VPS36: variants seen among roughly 807,000 people sequenced by gnomAD.
VPS36 encodes the protein vacuolar protein sorting 36 homolog.
A neutral mutation model predicts 63.5 loss-of-function variants in VPS36; 31 were observed. The ratio of observed to expected loss-of-function variants is 0.49; its 90% CI spans 0.37 to 0.66. VPS36 has a LOEUF of 0.66. Among genes scored for constraint, VPS36 ranks in the 30% least tolerant of loss-of-function variants. The probability of loss-of-function intolerance (pLI) is 0.00; values close to 1 mark genes in which losing one functional copy is unlikely to be tolerated. For missense variants in VPS36, 338 were observed against 463.7 expected (o/e 0.73, Z 2.49); for synonymous variants, 138 against 157.2 (o/e 0.88, Z 0.91).
chr13:52,417,713 C>T (rs1958006727), intron 11 of VPS36, among the ~76,000 whole-genome samples: 2 of 152,198 alleles, frequency 1.3e-5, no homozygotes, highest in Admixed American at 1.3e-4. Flanking sequence ...CACAGCTGAA[C>T]ATCTCCAGAG....
chr13:52,438,819 G>A (rs1378903396), intron 3 of VPS36, among the ~76,000 whole-genome samples: 1 of 152,210 alleles, frequency 6.6e-6, no homozygotes, highest in African/African-American at 2.4e-5. Context: ...CAGGAGCAAA[G>A]TCAGTTATTT....
intron 1 of VPS36, among the ~76,000 whole-genome samples, chr13:52,445,781 C>A (rs1411953329): frequency 4.7e-4 from 59 of 125,112 alleles, no homozygotes; most frequent in African/African-American, 6.1e-4. Context: ...ACTAAAAATA[C>A]AAAAAAAAAA....
chr13:52,448,526 A>G (rs1395756575), intron 1 of VPS36, among the ~76,000 whole-genome samples: 1 of 152,250 alleles, frequency 6.6e-6, no homozygotes, highest in Non-Finnish European at 1.5e-5. Context: ...AGAAGAGTTA[A>G]TTCTGGACTA....
chr13:52,424,856 T>C (rs1958082854), intron 9 of VPS36, among the ~76,000 whole-genome samples: 2 of 151,818 alleles, frequency 1.3e-5, no homozygotes, highest in Admixed American at 1.3e-4. Flanking sequence ...GGCGTGGTGG[T>C]GGGCGCCTGT....
intron 10 of VPS36, among the ~76,000 whole-genome samples, chr13:52,419,053 G>T (rs761853912): frequency 1.3e-5 from 2 of 152,214 alleles, no homozygotes; most frequent in Non-Finnish European, 2.9e-5. Flanking sequence ...GAGTTATTGG[G>T]AGGATAAATG....
At chr13:52,441,326 A>G (rs752135660) in intron 2 of VPS36, among the ~76,000 whole-genome samples, 1 of 152,178 alleles carries the variant, frequency 6.6e-6, no homozygotes, top group Non-Finnish European at 1.5e-5. Context: ...ACAATCAGGA[A>G]AATAAAAACA....
At position 52,442,463 on chromosome 13, in the gene VPS36, C is replaced by T; in HGVS notation, c.97-18G>A. On this transcript the variant is annotated intron_variant, in intron 1 of 13. Transcript: ENST00000378060. ...AATTTTATCTAGAAAGAAAGAGCAT[C>T]ACAAAATATTAATAACATATCACTC... The T allele has an allele frequency of 6.2e-7, 1 of 1,604,340 alleles. No individual in the cohort carries two copies. The highest frequency in any genetic ancestry group is 8.5e-7 in the Non-Finnish European group (1 of 1,174,820).
Position 52,415,582 on chromosome 13 carries a change from A to G in VPS36, c.*248T>C. The G allele has an allele frequency of 2.9e-6, 1 of 350,268 alleles. No individual in the cohort carries two copies. 21.7% of individuals were successfully genotyped at this position (350,268 alleles called of 1,614,324 possible). Reference sequence around the variant, plus strand: ...GTTAAAATCCACTATATTCCAAGTTAAACTCTGAGGGTTCTGCACTATAGC... The same window carrying G: ...GTTAAAATCCACTATATTCCAAGTTGAACTCTGAGGGTTCTGCACTATAGC... On this transcript the variant is annotated 3_prime_UTR_variant, in exon 14 of 14. Coordinates refer to ENST00000378060, the MANE Select transcript of VPS36 (RefSeq NM_016075.4).
At chr13:52,425,710 T>C (rs971600082) in intron 9 of VPS36, 7 of 409,488 alleles carry the variant, frequency 1.7e-5, no homozygotes, top group Non-Finnish European at 2.1e-5. Context: ...ATCAAATAGA[T>C]TTAGAAAGTT....
rs780959959 is a variant in VPS36, at chr13:52,417,105, C to T, written c.942G>A (p.Glu314=). 38 of 1,613,932 alleles carry T rather than the reference C, an allele frequency of 2.4e-5. No individual in the cohort carries two copies. Among genetic ancestry groups the T allele is most frequent in the African/African-American group, 1.1e-4 (8 of 74,892 alleles). The change falls in exon 12 of 14, where the codon GAG becomes GAA. Residue 314 remains glutamate (E), a synonymous_variant. Transcript: ENST00000378060. The part of the protein sequence containing the change: ...RVFDSGVMVI[E]LQSHKEEEMV... ...TTTCCTCTTCCTTGTGAGACTGAAG[C>T]TCAATTACCATGACGCCACTGTCAA...
intron 1 of VPS36, among the ~76,000 whole-genome samples, chr13:52,445,030 G>C (rs1346776444): frequency 6.6e-6 from 1 of 152,166 alleles, no homozygotes; most frequent in African/African-American, 2.4e-5. Flanking sequence ...ATAGCATTAA[G>C]TAGTAAATAA....
intron 2 of VPS36, 43 bp from the exon 3 acceptor site, chr13:52,439,211 A>C: frequency 6.4e-7 from 1 of 1,551,392 alleles, no homozygotes; most frequent in Non-Finnish European, 8.9e-7. Flanking sequence ...TCTAAACAAC[A>C]TCCATAACAC....
Position 52,417,159 on chromosome 13 carries a change from G to C in VPS36, c.906-18C>G. 1.2e-6 allele frequency: 2 copies of C among 1,610,660 alleles called. No individual in the cohort carries two copies. Among genetic ancestry groups the C allele is most frequent in the East Asian group, 2.2e-5 (1 of 44,848 alleles). ...CACGGAGCCTGAAAACCACAGGTGCGAGAACAAAGCCAGGAATTATCTAGG... is the reference window on the plus strand; with the variant it reads ...CACGGAGCCTGAAAACCACAGGTGCCAGAACAAAGCCAGGAATTATCTAGG... On this transcript the variant is annotated intron_variant, in intron 11 of 13. Coordinates refer to ENST00000378060, the MANE Select transcript of VPS36 (RefSeq NM_016075.4).
intron 1 of VPS36, chr13:52,449,807 G>A (rs1162759243): frequency 3.9e-6 from 2 of 508,474 alleles, no homozygotes; most frequent in Non-Finnish European, 5.1e-6. Context: ...TGCACTACAA[G>A]GCACGGTCTA....
rs186866687 is a variant in VPS36, at chr13:52,446,180, C to T, written c.97-3735G>A. 6.2e-4 allele frequency among the ~76,000 whole-genome samples: 93 copies of T among 150,588 alleles called. 1 individual carries two copies. The highest frequency in any genetic ancestry group is 2.1e-3 in the African/African-American group (86 of 41,026). On this transcript the variant is annotated intron_variant, in intron 1 of 13. Coordinates refer to ENST00000378060, the MANE Select transcript of VPS36 (RefSeq NM_016075.4). The stretch of plus-strand genomic sequence containing the variant: ...ACTGGGGAGGCTGAGGTAGGAGAAA[C>T]GCTTGAACCCGGGAAGCAGAGGTTG...
At chr13:52,445,555 C>A (rs936451625) in intron 1 of VPS36, among the ~76,000 whole-genome samples, 10 of 146,940 alleles carry the variant, frequency 6.8e-5, no homozygotes, top group African/African-American at 2.3e-4. Flanking sequence ...AGGAGAATGG[C>A]GTGAACTCGG....
In VPS36 at chr13:52,417,125, T is replaced by G; in HGVS notation, c.922A>C (p.Ser308Arg). 6.2e-7 allele frequency: 1 copy of G among 1,614,038 alleles called. No individual in the cohort carries two copies. The highest frequency in any genetic ancestry group is 8.5e-7 in the Non-Finnish European group (1 of 1,180,010). ...TGAAGCTCAATTACCATGACGCCAC[T>G]GTCAAACACACGGAGCCTGAAAACC... ...KLPLRLRVFD[S>R]GVMVIELQSH... The change falls in exon 12 of 14, where the codon AGT becomes CGT. Residue 308 changes from serine (S) to arginine (R), a missense_variant. Coordinates refer to ENST00000378060, the MANE Select transcript of VPS36 (RefSeq NM_016075.4).
intron 5 of VPS36, among the ~76,000 whole-genome samples, chr13:52,434,045 T>C (rs1958187158): frequency 6.6e-6 from 1 of 152,190 alleles, no homozygotes; most frequent in Non-Finnish European, 1.5e-5. Flanking sequence ...CTATTACGTA[T>C]CAGATACTTA....
chr13:52,427,152 T>C, intron 7 of VPS36, 35 bp downstream of exon 7: 2 of 1,609,592 alleles, frequency 1.2e-6, no homozygotes, highest in East Asian at 4.5e-5. Context: ...TGTATCATAA[T>C]TGGTATGAAT....
Sources: gnomAD v4.1 joint callset for allele counts (sites outside exome capture counted in the v4.1 genomes callset) on GRCh38, gnomAD v4.1.1 for gene constraint, MANE v1.5 for transcripts, NCBI Gene and HGNC (gene_info 2026-07-23, HGNC 2026-07-21) for gene names.